NLGN4Y: variants seen among roughly 807,000 people sequenced by gnomAD.
The protein encoded by NLGN4Y is neuroligin 4 Y-linked.
A neutral mutation model predicts 8.4 loss-of-function variants in NLGN4Y; 4 were observed. That is an observed-to-expected ratio of 0.48 (90% CI 0.23 to 1.09). The LOEUF (loss-of-function observed/expected upper bound fraction) is 1.09, where lower values mean the gene tolerates loss of function less well. Among genes scored for constraint, NLGN4Y ranks in the 50% least tolerant of loss-of-function variants. The probability of loss-of-function intolerance (pLI) is 0.19; values close to 1 mark genes in which losing one functional copy is unlikely to be tolerated. For synonymous variants in NLGN4Y, 35 were observed against 75.6 expected (o/e 0.46, Z 2.78); for missense variants, 90 against 192.3 (o/e 0.47, Z 3.15).
At chrY:14,787,877 T>C in intron 4 of NLGN4Y, among the ~76,000 whole-genome samples, 1 of 33,480 alleles carries the variant, frequency 3.0e-5, no homozygotes, top group Non-Finnish European at 7.4e-5. Context: ...AGGCATAGAG[T>C]AATGAGGAAA....
intron 4 of NLGN4Y, among the ~76,000 whole-genome samples, chrY:14,775,061 C>T (rs2081120967): frequency 3.1e-5 from 1 of 32,261 alleles, no homozygotes; most frequent in Non-Finnish European, 7.6e-5. Flanking sequence ...TAGATGATAG[C>T]TTGATGGGTG....
intron 4 of NLGN4Y, among the ~76,000 whole-genome samples, chrY:14,796,489 G>A (rs2150581767): frequency 3.4e-5 from 1 of 29,528 alleles, no homozygotes; most frequent in South Asian, 8.1e-4. Context: ...AGGTACGCGG[G>A]AGGCTGAGGC....
intron 2 of NLGN4Y, among the ~76,000 whole-genome samples, chrY:14,697,737 C>T (rs1039641526): frequency 5.0e-4 from 16 of 32,180 alleles, no homozygotes; most frequent in Admixed American, 1.1e-3. Flanking sequence ...ATTGGAGAGA[C>T]GGATAGATAG....
At chrY:14,624,873 G>T (rs2080523265) in intron 2 of NLGN4Y, among the ~76,000 whole-genome samples, 1 of 33,388 alleles carries the variant, frequency 3.0e-5, no homozygotes, top group Non-Finnish European at 7.4e-5. Flanking sequence ...CTTCTCTTAG[G>T]CAGTATCTGA....
intron 2 of NLGN4Y, among the ~76,000 whole-genome samples, chrY:14,626,547 G>A: frequency 5.9e-5 from 2 of 33,987 alleles, no homozygotes; most frequent in South Asian, 1.3e-3. Flanking sequence ...ATAAAGCTGC[G>A]GGACCCACAA....
At chrY:14,558,653 ACACT>A (rs2080217580) in intron 1 of NLGN4Y, among the ~76,000 whole-genome samples, 8 of 33,212 alleles carry the variant, frequency 2.4e-4, no homozygotes, top group African/African-American at 8.2e-4. Context: ...ACATGCACAC[ACACT>A]CACACATACA....
chrY:14,585,147 C>T (rs2080335640), intron 1 of NLGN4Y, among the ~76,000 whole-genome samples: 1 of 33,222 alleles, frequency 3.0e-5, no homozygotes, highest in African/African-American at 1.2e-4. Flanking sequence ...TTTCAGTGCA[C>T]GGTAATGAAA....
chrY:14,680,032 G>A (rs759774105), intron 2 of NLGN4Y, among the ~76,000 whole-genome samples: 3 of 33,555 alleles, frequency 8.9e-5, no homozygotes, highest in African/African-American at 3.5e-4. Context: ...TAGTATGTAC[G>A]AGATTAAACC....
At chrY:14,543,999 G>A (rs2080160295) in intron 1 of NLGN4Y, among the ~76,000 whole-genome samples, 4 of 33,441 alleles carry the variant, frequency 1.2e-4, no homozygotes, top group Non-Finnish European at 3.0e-4. Context: ...TAAGTTCTGA[G>A]CTCAATATTC....
chrY:14,794,464 A>G, intron 4 of NLGN4Y, among the ~76,000 whole-genome samples: 1 of 33,353 alleles, frequency 3.0e-5, no homozygotes, highest in Non-Finnish European at 7.4e-5. Flanking sequence ...TTTTTCATTG[A>G]ATGGTATGTT....
chrY:14,593,801 A>AT (rs2080382845), intron 1 of NLGN4Y, among the ~76,000 whole-genome samples: 1 of 32,851 alleles, frequency 3.0e-5, no homozygotes, highest in Non-Finnish European at 7.5e-5. Context: ...CTGGGCGGGC[A>AT]TTTTTTTGCC....
At chrY:14,533,019 A>G in intron 1 of NLGN4Y, among the ~76,000 whole-genome samples, 1 of 33,376 alleles carries the variant, frequency 3.0e-5, no homozygotes, top group Non-Finnish European at 7.4e-5. Flanking sequence ...ATCAAATAGG[A>G]AAGAGTAATG....
intron 4 of NLGN4Y, among the ~76,000 whole-genome samples, chrY:14,773,929 G>A (rs775780934): frequency 7.2e-4 from 24 of 33,474 alleles, no homozygotes; most frequent in African/African-American, 2.8e-3. Flanking sequence ...TCAAGATGGA[G>A]TAAAGACTTA....
chrY:14,667,206 TA>T (rs2080694956), intron 2 of NLGN4Y, among the ~76,000 whole-genome samples: 1 of 31,648 alleles, frequency 3.2e-5, no homozygotes, highest in African/African-American at 1.2e-4. Context: ...ATTTCCATAA[TA>T]AAAGAGAGAT....
intron 4 of NLGN4Y, among the ~76,000 whole-genome samples, 198 bp from the exon 5 acceptor site, chrY:14,823,990 T>A: frequency 2.9e-5 from 1 of 34,097 alleles, no homozygotes. Flanking sequence ...GGTATCATAA[T>A]GTCAACCTAA....
intron 4 of NLGN4Y, among the ~76,000 whole-genome samples, chrY:14,794,538 C>T: frequency 3.0e-5 from 1 of 33,255 alleles, no homozygotes; most frequent in Non-Finnish European, 7.4e-5. Context: ...ATATGAGAAA[C>T]CACACCCTAT....
chrY:14,596,154 G>C, intron 1 of NLGN4Y, among the ~76,000 whole-genome samples: 1 of 33,276 alleles, frequency 3.0e-5, no homozygotes, highest in Non-Finnish European at 7.4e-5. Flanking sequence ...AATTTCTGAG[G>C]CTCCCCATAT....
At chrY:14,748,900 AAAAGAAAGAAAGAAAG>A in intron 4 of NLGN4Y, among the ~76,000 whole-genome samples, 10 of 12,280 alleles carry the variant, frequency 8.1e-4, no homozygotes, top group South Asian at 0.014. Context: ...AAAAGAAAAA[AAAAGAAAGAAAGAAAG>A]AAAGAAAGAA....
chrY:14,801,078 CTGAAT>C (rs2043028468), intron 4 of NLGN4Y, among the ~76,000 whole-genome samples: 1 of 32,917 alleles, frequency 3.0e-5, no homozygotes, highest in Non-Finnish European at 7.5e-5. Context: ...GGAATAAATA[CTGAAT>C]TTCACAATAA....
Sources: gnomAD v4.1 joint callset for allele counts (sites outside exome capture counted in the v4.1 genomes callset) on GRCh38, gnomAD v4.1.1 for gene constraint, MANE v1.5 for transcripts, NCBI Gene and HGNC (gene_info 2026-07-23, HGNC 2026-07-21) for gene names.